PARP2: variants seen among roughly 807,000 people sequenced by gnomAD.
PARP2 encodes poly(ADP-ribose) polymerase 2.
Under a neutral mutation model 77.8 loss-of-function variants are expected in PARP2, and 57 were observed. The ratio of observed to expected loss-of-function variants is 0.73; its 90% confidence interval spans 0.59 to 0.91. PARP2 has a LOEUF of 0.91. Ranked by LOEUF, PARP2 falls within the 40% of genes least tolerant of loss-of-function variation. The pLI is 0.00. For synonymous variants in PARP2, 226 were observed against 242.6 expected, an observed-to-expected ratio of 0.93 and a Z score of 0.64; for missense variants, 651 against 689.0, an observed-to-expected ratio of 0.94 and a Z score of 0.62.
chr14:20,353,532 TGCG>T, intron 7 of PARP2, among the ~76,000 whole-genome samples: 1 of 152,174 alleles, frequency 6.6e-6, no homozygotes, highest in Non-Finnish European at 1.5e-5. Context: ...CGTGAGCCAC[TGCG>T]GCTGGCACCA....
At chr14:20,350,440 C>T (rs1269842067) in intron 4 of PARP2, 86 bp from the exon 5 acceptor site, 7 of 656,454 alleles carry the variant, frequency 1.1e-5, no homozygotes, top group Middle Eastern at 3.1e-4. Flanking sequence ...AAATAACTGG[C>T]ACCTGTGACG....
At chr14:20,346,631 G>A in intron 3 of PARP2, 1 of 420,784 alleles carries the variant, frequency 2.4e-6, no homozygotes, top group South Asian at 3.7e-5. Context: ...ACCATGCGCA[G>A]CCTAACTCAG....
chr14:20,355,092 T>C, intron 9 of PARP2, 145 bp downstream of exon 9: 2 of 714,888 alleles, frequency 2.8e-6, no homozygotes, highest in Non-Finnish European at 4.6e-6. Context: ...GATATATAGG[T>C]AGCCTATTTA....
chr14:20,355,683 C>T, intron 9 of PARP2, 69 bp from the exon 10 acceptor site: 1 of 1,229,908 alleles, frequency 8.1e-7, no homozygotes, highest in Non-Finnish European at 1.2e-6. Context: ...CTGTCATTTT[C>T]TATTTTTAGT....
At chr14:20,356,716 G>A (rs1391959485) in intron 13 of PARP2, 27 bp downstream of exon 13, 25 of 1,508,300 alleles carry the variant, frequency 1.7e-5, no homozygotes, top group Non-Finnish European at 2.3e-5. Context: ...TCTGGGAGGA[G>A]CACAGGGGAA....
chr14:20,347,354 G>GTTTATA lies in PARP2; in HGVS notation c.324+442_324+443insTTATAT, dbSNP rs1883771350. Among the ~76,000 whole-genome samples, 6 of 43,956 alleles carry GTTTATA rather than the reference G, an allele frequency of 1.4e-4. 1 individual carries two copies. The highest frequency in any genetic ancestry group is 2.1e-4 in the Non-Finnish European group (6 of 28,704). The allele number at this position is 43,956 out of a possible 152,430, so 28.8% of individuals were successfully genotyped here. A position where few individuals can be genotyped will look rare whatever the true frequency, so the allele number is the denominator to read the frequency against. On this transcript the variant is annotated intron_variant, in intron 4 of 15. Coordinates refer to ENST00000429687, the MANE Select transcript of PARP2 (RefSeq NM_001042618.2). Reference sequence around the variant, plus strand: ...TGCCTAAAGTCCTTCATATGTGTGTGTGTATATATATATATATATATATAT... The same window carrying GTTTATA: ...TGCCTAAAGTCCTTCATATGTGTGTGTTTATATGTATATATATATATATATATATAT...
At position 20,357,789 on chromosome 14, in the gene PARP2, C is replaced by T; in HGVS notation, c.1705C>T (p.Leu569=). The change falls in exon 16 of 16, where the codon CTG becomes TTG. Residue 569 remains leucine (L), a synonymous_variant. Transcript: ENST00000429687. ...LLKVQFNFLQ[L]W ...AAAGGTTCAGTTTAATTTCCTTCAG[C>T]TGTGGTGAATGTTGATATTAAATAA... is the stretch of plus-strand genomic sequence containing the variant. 1 of 1,612,944 alleles carries T rather than the reference C, an allele frequency of 6.2e-7. No homozygotes were observed. The highest frequency in any genetic ancestry group is 1.1e-5 in the South Asian group (1 of 90,752).
In PARP2 at chr14:20,356,306, G is replaced by T; in HGVS notation, c.1102-1G>T. On this transcript the variant is annotated splice_acceptor_variant, in intron 11 of 15. Transcript: ENST00000429687. LOFTEE classifies it high-confidence loss of function. ...CAGCCTTTTTGTCTTATTTTTCACA[G>T]GTGATTTCCCAGTACCTACAATCTA... 6.2e-7 allele frequency: 1 copy of T among 1,613,916 alleles called. No homozygotes were observed.
At position 20,354,716 on chromosome 14, in the gene PARP2, T is replaced by G. The variant is rs1884078969; in HGVS notation, c.764-93T>G. The stretch of plus-strand genomic sequence containing the variant: ...TCTTAAAAACAGGAAAAAAAAAAGT[T>G]GAAAGATGAAAGTCTTTTTTAGGGA... On this transcript the variant is annotated intron_variant, in intron 8 of 15. Transcript: ENST00000429687. 7.0e-6 allele frequency: 9 copies of G among 1,281,092 alleles called. No individual in the cohort carries two copies. In the East Asian group the frequency reaches 2.1e-4, roughly 31 times the overall value. 79.4% of individuals were successfully genotyped at this position (1,281,092 alleles called of 1,614,324 possible).
chr14:20,357,459 G>A lies in PARP2; in HGVS notation c.1492G>A (p.Gly498Ser). 1 of 1,614,000 alleles carries A rather than the reference G, an allele frequency of 6.2e-7. No individual in the cohort carries two copies. Among genetic ancestry groups the A allele is most frequent in the Non-Finnish European group, 8.5e-7 (1 of 1,179,964 alleles). The change falls in exon 15 of 16, where the codon GGT becomes AGT. Residue 498 changes from glycine to serine, a missense_variant. Physicochemically the swap from Gly to Ser is moderately conservative, Grantham distance 56. Transcript: ENST00000429687. The part of the protein sequence containing the change: ...ANPKAEGLLQ[G>S]KHSTKGLGKM... Reference sequence around the variant, plus strand: ...TCCTAAGGCCGAAGGATTGCTTCAAGGTAAACATAGCACCAAGGGGCTGGG... The same window carrying A: ...TCCTAAGGCCGAAGGATTGCTTCAAAGTAAACATAGCACCAAGGGGCTGGG...
Position 20,354,667 on chromosome 14 carries a change from C to T in PARP2, c.764-142C>T, listed in dbSNP as rs539752934. The T allele has an allele frequency of 1.1e-4, 85 of 794,388 alleles. No individual in the cohort carries two copies. In the South Asian group the frequency reaches 1.4e-3, roughly 13 times the overall value. The allele number at this position is 794,388 out of a possible 1,614,324, so 49.2% of individuals were successfully genotyped here. A position where few individuals can be genotyped will look rare whatever the true frequency, so the allele number is the denominator to read the frequency against. ...CTGTGTTTGTGCCACGGCACTCAGC[C>T]TGGGCAACAGGAGTGAGACCCCATC... On this transcript the variant is annotated intron_variant, in intron 8 of 15. Coordinates refer to ENST00000429687, the MANE Select transcript of PARP2 (RefSeq NM_001042618.2).
At chr14:20,355,134 G>A (rs528996558) in intron 9 of PARP2, 187 bp downstream of exon 9, 29 of 529,076 alleles carry the variant, frequency 5.5e-5, no homozygotes, top group African/African-American at 3.7e-4. Context: ...GCAATCTCCC[G>A]GCTTGACCAC....
chr14:20,344,892 G>C (rs376217558), intron 1 of PARP2, 40 bp from the exon 2 acceptor site: 3 of 1,160,222 alleles, frequency 2.6e-6, no homozygotes, highest in South Asian at 1.3e-5. Context: ...ACACGTATTC[G>C]GGTGTGTACT....
intron 3 of PARP2, 195 bp from the exon 4 acceptor site, chr14:20,346,668 A>G: frequency 2.0e-6 from 1 of 508,414 alleles, no homozygotes; most frequent in African/African-American, 1.9e-5. Flanking sequence ...AAAAAAAAGG[A>G]AGCATGTTTT....
chr14:20,346,645 C>A, intron 3 of PARP2: 1 of 473,648 alleles, frequency 2.1e-6, no homozygotes. Context: ...AACTCAGAAT[C>A]TTTTGTATAG....
At chr14:20,346,797 G>A in intron 3 of PARP2, 66 bp from the exon 4 acceptor site, 2 of 1,024,690 alleles carry the variant, frequency 2.0e-6, no homozygotes, top group South Asian at 1.3e-5. Context: ...AAAATTTAGA[G>A]CCTCATTTAG....
At chr14:20,352,817 G>A (rs1335666373) in intron 7 of PARP2, 1 of 152,128 alleles carries the variant, frequency 6.6e-6, no homozygotes, top group Non-Finnish European at 1.5e-5. Flanking sequence ...AATCCCAAAG[G>A]GACAGTAAGA....
At chr14:20,343,965 A>G (rs928214768) in intron 1 of PARP2, among the ~76,000 whole-genome samples, 2 of 152,206 alleles carry the variant, frequency 1.3e-5, no homozygotes, top group African/African-American at 4.8e-5. Flanking sequence ...AAGGCACACC[A>G]TTATTTTATA....
intron 12 of PARP2, 43 bp downstream of exon 12, chr14:20,356,477 A>G: frequency 6.2e-7 from 1 of 1,613,668 alleles, no homozygotes; most frequent in South Asian, 1.1e-5. Context: ...TCCTTGCCCG[A>G]AAGTACAGCT....
Sources: allele counts gnomAD v4.1 joint callset (sites outside exome capture counted in the v4.1 genomes callset), GRCh38; gene constraint gnomAD v4.1.1; transcripts MANE v1.5; gene names NCBI Gene and HGNC (gene_info 2026-07-23, HGNC 2026-07-21).